The following TSHZ3 variants were observed in gnomAD, a reference collection of about 807,000 sequenced individuals.
TSHZ3 encodes the protein teashirt homolog 3.
Under a neutral mutation model 64.5 loss-of-function variants are expected in TSHZ3, and 10 were observed. The observed-to-expected ratio is 0.16, with a 90% CI of 0.10 to 0.26. The LOEUF (loss-of-function observed/expected upper bound fraction) is 0.26. Among genes scored for constraint, TSHZ3 ranks in the 10% least tolerant of loss-of-function variants. The pLI, the probability that TSHZ3 is intolerant of heterozygous loss-of-function variation, is 1.00. For synonymous variants in TSHZ3, 608 were observed against 593.1 expected, an observed-to-expected ratio of 1.03 and a Z score of -0.36; for missense variants, 1,242 against 1,421.7, an observed-to-expected ratio of 0.87 and a Z score of 2.03.
chr19:31,161,501 T>A (rs1183735729), intron 5 of TSHZ3, among the ~76,000 whole-genome samples: 1 of 152,250 alleles, frequency 6.6e-6, no homozygotes, highest in African/African-American at 2.4e-5. Context: ...GTTTTAGGGA[T>A]ATGAGTCCCA....
At chr19:31,204,353 T>C (rs1237981665) in intron 5 of TSHZ3, among the ~76,000 whole-genome samples, 1 of 150,318 alleles carries the variant, frequency 6.7e-6, no homozygotes, top group African/African-American at 2.5e-5. Context: ...TTCCCTCCCG[T>C]CCTTCCTCTC....
downstream of TSHZ3, among the ~76,000 whole-genome samples, chr19:31,272,854 CA>C (rs1976162271): frequency 1.3e-5 from 2 of 152,160 alleles, no homozygotes; most frequent in Non-Finnish European, 2.9e-5. Context: ...AGGTCAGGGT[CA>C]CCCGCGCACC....
intron 5 of TSHZ3, among the ~76,000 whole-genome samples, chr19:31,189,442 G>T (rs1974866734): frequency 6.6e-6 from 1 of 151,676 alleles, no homozygotes; most frequent in Admixed American, 6.6e-5. Context: ...TATTTTCATT[G>T]TCAATTATTT....
At chr19:31,331,164 A>T (rs1917079526) in intron 1 of TSHZ3, among the ~76,000 whole-genome samples, 1 of 152,148 alleles carries the variant, frequency 6.6e-6, no homozygotes, top group Admixed American at 6.5e-5. Flanking sequence ...GAACCAAAGC[A>T]TCAGAGATTC....
intron 1 of TSHZ3, among the ~76,000 whole-genome samples, chr19:31,288,920 G>T (rs1003573261): frequency 6.6e-6 from 1 of 152,162 alleles, no homozygotes; most frequent in African/African-American, 2.4e-5. Flanking sequence ...CTCAGCTTCT[G>T]CCCTGCCATG....
At chr19:31,179,796 G>A (rs1974679064) in intron 5 of TSHZ3, among the ~76,000 whole-genome samples, 1 of 148,910 alleles carries the variant, frequency 6.7e-6, no homozygotes, top group Non-Finnish European at 1.5e-5. Context: ...TGATGGTGGT[G>A]GTAACAATGA....
chr19:31,236,065 A>C (rs773923788), intron 3 of TSHZ3, among the ~76,000 whole-genome samples: 2 of 152,180 alleles, frequency 1.3e-5, no homozygotes, highest in African/African-American at 4.8e-5. Context: ...TATCTTGGCT[A>C]TTGTGAATAA....
chr19:31,225,886 G>C (rs1202020778), intron 4 of TSHZ3, among the ~76,000 whole-genome samples: 1 of 152,122 alleles, frequency 6.6e-6, no homozygotes, highest in African/African-American at 2.4e-5. Context: ...CAGCACTTTG[G>C]GAAGCCAAGG....
chr19:31,226,790 G>A (rs1975468404), intron 4 of TSHZ3, among the ~76,000 whole-genome samples: 1 of 151,974 alleles, frequency 6.6e-6, no homozygotes. Flanking sequence ...AGTAGTCACA[G>A]CACCCCTTTC....
chr19:31,292,748 AT>A, intron 1 of TSHZ3, among the ~76,000 whole-genome samples: 1 of 151,196 alleles, frequency 6.6e-6, no homozygotes, highest in Non-Finnish European at 1.5e-5. Context: ...CCATCCATCC[AT>A]CCATCCATCC....
At chr19:31,216,626 T>TTTGTA (rs1406190082) in intron 4 of TSHZ3, among the ~76,000 whole-genome samples, 3 of 150,430 alleles carry the variant, frequency 2.0e-5, no homozygotes, top group African/African-American at 7.3e-5. Context: ...TTTTTGTATT[T>TTTGTA]TTGTTTTGTT....
At chr19:31,172,301 ACT>A (rs1339237976) in intron 5 of TSHZ3, among the ~76,000 whole-genome samples, 2 of 152,204 alleles carry the variant, frequency 1.3e-5, no homozygotes, top group African/African-American at 4.8e-5. Context: ...GGGCGATAAC[ACT>A]GTCTGTCTAA....
chr19:31,231,571 T>G (rs1975540582), intron 3 of TSHZ3, among the ~76,000 whole-genome samples: 1 of 152,228 alleles, frequency 6.6e-6, no homozygotes, highest in Non-Finnish European at 1.5e-5. Flanking sequence ...GATTTACAAG[T>G]TGGATTTATA....
intron 1 of TSHZ3, among the ~76,000 whole-genome samples, chr19:31,341,151 C>T (rs1419465947): frequency 6.6e-6 from 1 of 152,124 alleles, no homozygotes; most frequent in Non-Finnish European, 1.5e-5. Context: ...CAGCTCATTA[C>T]GGGTGTCCAG....
chr19:31,233,697 G>T (rs142862015), intron 3 of TSHZ3, among the ~76,000 whole-genome samples: 5 of 152,186 alleles, frequency 3.3e-5, no homozygotes, highest in Non-Finnish European at 7.4e-5. Context: ...CCTCCTAGAA[G>T]TTCTACAGTT....
exon 7 of TSHZ3, among the ~76,000 whole-genome samples, chr19:31,150,187 G>A (rs1206177544): frequency 2.0e-5 from 3 of 152,024 alleles, no homozygotes; most frequent in African/African-American, 4.8e-5. Context: ...TGGAGAAAAC[G>A]CCCGGGTTGC....
rs1283119687 is a variant in TSHZ3 at position 31,301,096 on chromosome 19, GT to G, written c.41-21345del. Among the ~76,000 whole-genome samples the G allele has an allele frequency of 5.3e-5, 8 of 152,144 alleles. No individual in the cohort carries two copies. The South Asian group carries it at 1.2e-3, about 24-fold the overall frequency. On this transcript the variant is annotated intron_variant, in intron 1 of 1. Coordinates refer to ENST00000240587, the MANE Select transcript of TSHZ3 (RefSeq NM_020856.4). ...TACCATTAGCAAATCTTTAAAAATC[GT>G]TTTTTCCCCCCTCGGCTACAATAGG...
chr19:31,243,974 A>G (rs1975728699), intron 1 of TSHZ3, among the ~76,000 whole-genome samples: 1 of 152,168 alleles, frequency 6.6e-6, no homozygotes, highest in Non-Finnish European at 1.5e-5. Flanking sequence ...GGTATTAAGA[A>G]CCTAAAACAT....
intron 1 of TSHZ3, among the ~76,000 whole-genome samples, chr19:31,293,641 C>T (rs1218261799): frequency 6.6e-6 from 1 of 152,148 alleles, no homozygotes; most frequent in African/African-American, 2.4e-5. Flanking sequence ...TGGAAAAGTC[C>T]CCTCTAAACT....
Sources: gnomAD v4.1 joint callset for allele counts (sites outside exome capture counted in the v4.1 genomes callset) on GRCh38, gnomAD v4.1.1 for gene constraint, MANE v1.5 for transcripts, NCBI Gene and HGNC (gene_info 2026-07-23, HGNC 2026-07-21) for gene names.